Variants in FTO observed in about 807,000 individuals in gnomAD.
FTO encodes FTO alpha-ketoglutarate dependent dioxygenase.
FTO carries 47 observed loss-of-function variants against 63.9 expected under a neutral mutation model. That is an observed-to-expected ratio of 0.74 (90% confidence interval 0.58 to 0.94). The LOEUF is 0.94. FTO is among the 40% of genes least tolerant of loss of function. FTO has a pLI of 0.00. For missense variants in FTO, 562 were observed against 618.1 expected, an observed-to-expected ratio of 0.91 and a Z score of 0.96; for synonymous variants, 207 against 224.4, an observed-to-expected ratio of 0.92 and a Z score of 0.69.
intron 1 of FTO, among the ~76,000 whole-genome samples, chr16:53,708,741 T>G (rs2075692947): frequency 2.0e-5 from 3 of 152,246 alleles, no homozygotes; most frequent in African/African-American, 7.2e-5. Context: ...AGTATCTCAT[T>G]GTGGTTTGAT....
At chr16:53,763,742 G>A (rs2077126437) in intron 1 of FTO, among the ~76,000 whole-genome samples, 1 of 152,170 alleles carries the variant, frequency 6.6e-6, no homozygotes, top group South Asian at 2.1e-4. Flanking sequence ...GCAAATGAGG[G>A]AATTTTATAA....
chr16:53,994,058 A>G (rs1277839620), intron 8 of FTO: 1 of 152,216 alleles, frequency 6.6e-6, no homozygotes, highest in Non-Finnish European at 1.5e-5. Flanking sequence ...TAATTTGCAA[A>G]TGGGATTGGC....
chr16:54,058,484 A>G (rs2085492600), intron 8 of FTO, among the ~76,000 whole-genome samples: 1 of 152,154 alleles, frequency 6.6e-6, no homozygotes, highest in Non-Finnish European at 1.5e-5. Context: ...TTTACCCTCC[A>G]GAGTGGGGCT....
At chr16:53,998,106 A>G (rs2083984815) in intron 8 of FTO, among the ~76,000 whole-genome samples, 1 of 152,210 alleles carries the variant, frequency 6.6e-6, no homozygotes, top group South Asian at 2.1e-4. Context: ...CCGCTCTTTC[A>G]GAAAACTTGA....
chr16:53,941,062 A>G (rs1456779721), intron 8 of FTO, among the ~76,000 whole-genome samples: 1 of 152,224 alleles, frequency 6.6e-6, no homozygotes, highest in Non-Finnish European at 1.5e-5. Flanking sequence ...TGTATAAGTT[A>G]CTTATATGGA....
intron 8 of FTO, among the ~76,000 whole-genome samples, chr16:54,052,839 A>G (rs1239087644): frequency 6.6e-6 from 1 of 152,018 alleles, no homozygotes; most frequent in African/African-American, 2.4e-5. Context: ...AGCTGGGACT[A>G]CAGATGCATG....
intron 1 of FTO, among the ~76,000 whole-genome samples, chr16:53,751,445 G>A (rs573655746): frequency 2.0e-5 from 3 of 151,942 alleles, no homozygotes; most frequent in Admixed American, 1.3e-4. Context: ...GCTACAGAGC[G>A]AGACTCCATC....
chr16:53,751,797 C>T (rs1292524129), intron 1 of FTO, among the ~76,000 whole-genome samples: 2 of 152,128 alleles, frequency 1.3e-5, no homozygotes, highest in Admixed American at 1.3e-4. Flanking sequence ...TTTTATGTTA[C>T]GTGAATTACA....
At position 53,891,831 on chromosome 16, in the gene FTO, G is replaced by A. The variant is rs139742201; in HGVS notation, c.1239+2880G>A. On this transcript the variant is annotated intron_variant, in intron 7 of 8. Coordinates refer to ENST00000471389, the MANE Select transcript of FTO (RefSeq NM_001080432.3). Reference sequence around the variant, plus strand: ...GGAAATATCTGTTATTTGTTTTGTCGCTCTTGTATAAAAAATACTAAAAGG... The same window carrying A: ...GGAAATATCTGTTATTTGTTTTGTCACTCTTGTATAAAAAATACTAAAAGG... Among the ~76,000 whole-genome samples, 4 of 152,076 alleles carry A rather than the reference G, an allele frequency of 2.6e-5. No homozygotes were observed. The South Asian group carries it at 8.3e-4, about 32-fold the overall frequency.
intron 8 of FTO, among the ~76,000 whole-genome samples, chr16:54,017,127 A>T (rs2084469875): frequency 6.6e-6 from 1 of 152,206 alleles, no homozygotes; most frequent in South Asian, 2.1e-4. Flanking sequence ...TTAGACTTGT[A>T]ATCACCACTT....
chr16:53,894,218 C>A (rs756285012), intron 7 of FTO, among the ~76,000 whole-genome samples: 1 of 152,154 alleles, frequency 6.6e-6, no homozygotes, highest in Non-Finnish European at 1.5e-5. Flanking sequence ...CATGCCTTTT[C>A]CCCTGCTATT....
chr16:53,767,005 T>C (rs777407739), intron 1 of FTO, among the ~76,000 whole-genome samples: 3 of 152,138 alleles, frequency 2.0e-5, no homozygotes, highest in Non-Finnish European at 2.9e-5. Flanking sequence ...AAAGGTAATA[T>C]TGATTTTATA....
chr16:53,869,523 C>CAGTT (rs2080432730), intron 4 of FTO, among the ~76,000 whole-genome samples: 5 of 148,100 alleles, frequency 3.4e-5, no homozygotes. Flanking sequence ...ACACCTATTG[C>CAGTT]AGTTGTCCCA....
chr16:54,017,425 T>C (rs2084476001), intron 8 of FTO, among the ~76,000 whole-genome samples: 1 of 151,474 alleles, frequency 6.6e-6, no homozygotes, highest in South Asian at 2.1e-4. Flanking sequence ...AACAGTGCCA[T>C]TGTTGGCTTA....
rs543800691 is a variant in FTO, at chr16:53,773,023, A to G, written c.46-37117A>G. Reference sequence around the variant, plus strand: ...TAATTTTGAAGGAACTTTCTGTCAGATGATTATTGGTAAAGTAAAATGTAT... The same window carrying G: ...TAATTTTGAAGGAACTTTCTGTCAGGTGATTATTGGTAAAGTAAAATGTAT... On this transcript the variant is annotated intron_variant, in intron 1 of 8. Coordinates refer to ENST00000471389, the MANE Select transcript of FTO (RefSeq NM_001080432.3). Among the ~76,000 whole-genome samples, 20 of 152,054 alleles carry G rather than the reference A, an allele frequency of 1.3e-4. 1 individual carries two copies. The South Asian group carries it at 4.2e-3, about 32-fold the overall frequency.
intron 8 of FTO, among the ~76,000 whole-genome samples, chr16:53,939,344 GC>G (rs1467758827): frequency 2.0e-5 from 3 of 152,092 alleles, no homozygotes; most frequent in African/African-American, 7.2e-5. Context: ...TAACTTTAAA[GC>G]CATGGCCCTA....
At chr16:53,779,325 TA>T (rs559395752) in intron 1 of FTO, among the ~76,000 whole-genome samples, 37 of 150,416 alleles carry the variant, frequency 2.5e-4, no homozygotes, top group South Asian at 1.9e-3. Flanking sequence ...TCTTTTCTAT[TA>T]AAAAAAAAAT....
chr16:53,709,866 C>T (rs1598462735), intron 1 of FTO, among the ~76,000 whole-genome samples: 1 of 152,138 alleles, frequency 6.6e-6, no homozygotes, highest in African/African-American at 2.4e-5. Flanking sequence ...TTCCTAAGAA[C>T]ATGGACATTC....
intron 1 of FTO, among the ~76,000 whole-genome samples, chr16:53,762,758 T>A (rs750290544): frequency 6.6e-6 from 1 of 152,222 alleles, no homozygotes; most frequent in Non-Finnish European, 1.5e-5. Flanking sequence ...GTTTGCATTA[T>A]CTTATCACAA....
Sources: gnomAD v4.1 joint callset for allele counts (sites outside exome capture counted in the v4.1 genomes callset) on GRCh38, gnomAD v4.1.1 for gene constraint, MANE v1.5 for transcripts, NCBI Gene and HGNC (gene_info 2026-07-23, HGNC 2026-07-21) for gene names.